LMBR1: variants seen among roughly 807,000 people sequenced by gnomAD.
The protein encoded by LMBR1 is limb development membrane protein 1, also known as limb region 1 protein homolog.
LMBR1 carries 52 observed loss-of-function variants against 73.9 expected under a neutral mutation model. That is an observed-to-expected ratio of 0.70 (90% CI 0.56 to 0.89). The LOEUF is 0.89. Ranked by LOEUF, LMBR1 falls within the 40% of genes least tolerant of loss-of-function variation. The pLI, the probability that LMBR1 is intolerant of heterozygous loss-of-function variation, is 0.00. For synonymous variants in LMBR1, 215 were observed against 209.4 expected, an observed-to-expected ratio of 1.03 and a Z score of -0.23; for missense variants, 539 against 579.8, an observed-to-expected ratio of 0.93 and a Z score of 0.72.
intron 9 of LMBR1, among the ~76,000 whole-genome samples, chr7:156,734,810 T>C (rs770558900): frequency 1.6e-4 from 24 of 152,232 alleles, no homozygotes; most frequent in Non-Finnish European, 2.9e-4. Context: ...CTCCTTAAAA[T>C]GACAATTGTG....
intron 1 of LMBR1, among the ~76,000 whole-genome samples, chr7:156,850,216 C>G (rs1796052758): frequency 6.6e-6 from 1 of 152,118 alleles, no homozygotes; most frequent in Admixed American, 6.6e-5. Flanking sequence ...AAAAGCAAGT[C>G]TGGCCCCCTT....
intron 5 of LMBR1, among the ~76,000 whole-genome samples, chr7:156,786,907 A>G (rs1775634630): frequency 6.6e-6 from 1 of 152,166 alleles, no homozygotes; most frequent in Admixed American, 6.5e-5. Flanking sequence ...TTTACCTAAT[A>G]TATATTTGAT....
chr7:156,676,778 G>T (rs1044762261), downstream of LMBR1: 13 of 686,148 alleles, frequency 1.9e-5, no homozygotes, highest in East Asian at 1.3e-4. Flanking sequence ...ATAAGCTATT[G>T]GTAGTTGTAG....
chr7:156,699,645 C>A (rs1179790431), intron 15 of LMBR1, among the ~76,000 whole-genome samples: 1 of 151,832 alleles, frequency 6.6e-6, no homozygotes, highest in Admixed American at 6.6e-5. Flanking sequence ...AAAATTTTTG[C>A]AACCTACTCA....
chr7:156,719,123 TCC>T (rs373665026), intron 15 of LMBR1, among the ~76,000 whole-genome samples: 4 of 135,564 alleles, frequency 3.0e-5, no homozygotes, highest in South Asian at 2.6e-4. Flanking sequence ...CCTAATGCTA[TCC>T]CCCCCCTCCC....
At chr7:156,793,231 T>G (rs1421439448) in intron 5 of LMBR1, among the ~76,000 whole-genome samples, 1 of 152,214 alleles carries the variant, frequency 6.6e-6, no homozygotes, top group African/African-American at 2.4e-5. Context: ...TATTTAGAAC[T>G]TACACAGGTA....
chr7:156,869,049 T>C (rs572611280), intron 1 of LMBR1, among the ~76,000 whole-genome samples: 28 of 152,344 alleles, frequency 1.8e-4, no homozygotes, highest in Non-Finnish European at 3.4e-4. Context: ...ATTAACAGTG[T>C]AAAATCAGAA....
intron 4 of LMBR1, among the ~76,000 whole-genome samples, chr7:156,820,042 G>C (rs894023970): frequency 6.6e-6 from 1 of 152,222 alleles, no homozygotes; most frequent in African/African-American, 2.4e-5. Context: ...GGACTTGAAA[G>C]ATGCAGGGGT....
Position 156,690,820 on chromosome 7 carries a change from G to A in LMBR1, c.1226-2629C>T, listed in dbSNP as rs1429745825. Among the ~76,000 whole-genome samples, 5 of 152,170 alleles carry A rather than the reference G, an allele frequency of 3.3e-5. No homozygotes were observed. The East Asian group carries it at 9.6e-4, about 29-fold the overall frequency. On this transcript the variant is annotated intron_variant, in intron 15 of 16. Coordinates refer to ENST00000353442, the MANE Select transcript of LMBR1 (RefSeq NM_022458.4). ...AACAGATCACTCTGACCAACACACA[G>A]TTCTTCAATTCTGAAAATTTTCTAT...
intron 9 of LMBR1, chr7:156,736,460 GC>G (rs1301247968): frequency 5.1e-5 from 23 of 454,782 alleles, no homozygotes; most frequent in Middle Eastern, 3.2e-4. Context: ...TCAAGATGAA[GC>G]ATGCACATAG....
At chr7:156,740,347 T>C (rs1233819647) in intron 9 of LMBR1, among the ~76,000 whole-genome samples, 1 of 152,022 alleles carries the variant, frequency 6.6e-6, no homozygotes, top group Non-Finnish European at 1.5e-5. Context: ...AAAGGGAGAA[T>C]ATTAGAGAAC....
Position 156,684,115 on chromosome 7 carries a change from G to C in LMBR1, c.1436C>G (p.Ala479Gly). ...CTGATGCCCATTTACAGAAGGCTTG[G>C]CTGTTTCTGAATCCCTTGAAGTATT... ...LPNTSRDSET[A>G]KPSVNGHQKA... The change falls in exon 17 of 17, where the codon GCC becomes GGC. Residue 479 changes from alanine (A) to glycine (G), a missense_variant. Ala to Gly is a moderately conservative substitution (Grantham distance 60). Coordinates refer to ENST00000353442, the MANE Select transcript of LMBR1 (RefSeq NM_022458.4). 6.2e-7 allele frequency: 1 copy of C among 1,614,078 alleles called. No individual in the cohort carries two copies. The highest frequency in any genetic ancestry group is 8.5e-7 in the Non-Finnish European group (1 of 1,179,990).
At chr7:156,736,569 T>C in intron 9 of LMBR1, 1 of 457,086 alleles carries the variant, frequency 2.2e-6, no homozygotes, top group Non-Finnish European at 4.4e-6. Context: ...CTTCTGGCAC[T>C]TGTCTTCCTG....
intron 5 of LMBR1, among the ~76,000 whole-genome samples, chr7:156,770,316 A>G (rs1824950054): frequency 6.6e-6 from 1 of 152,156 alleles, no homozygotes; most frequent in Non-Finnish European, 1.5e-5. Context: ...ACCCTGCCCA[A>G]CAAAATATAT....
At chr7:156,718,194 G>C (rs1191671020) in intron 15 of LMBR1, among the ~76,000 whole-genome samples, 1 of 151,592 alleles carries the variant, frequency 6.6e-6, no homozygotes, top group Non-Finnish European at 1.5e-5. Context: ...GAGGTCAGGA[G>C]TTTCAGACCA....
At position 156,679,174 on chromosome 7, in the gene LMBR1, G is replaced by A. The variant is rs1585155141; in HGVS notation, c.*4904C>T. 1.3e-5 allele frequency: 2 copies of A among 152,336 alleles called. No individual in the cohort carries two copies. Among genetic ancestry groups the A allele is most frequent in the Non-Finnish European group, 1.5e-5 (1 of 68,050 alleles). 9.4% of individuals were successfully genotyped at this position (152,336 alleles called of 1,614,324 possible). On this transcript the variant is annotated 3_prime_UTR_variant, in exon 17 of 17. Transcript: ENST00000353442. Reference sequence around the variant, plus strand: ...CGTTCCTTGTCGGTAAAATGCAGATGTGTATTTTCGGCTTCGCAAGGTGGT... The same window carrying A: ...CGTTCCTTGTCGGTAAAATGCAGATATGTATTTTCGGCTTCGCAAGGTGGT...
chr7:156,739,736 C>A (rs966966679), intron 9 of LMBR1, among the ~76,000 whole-genome samples: 8 of 152,134 alleles, frequency 5.3e-5, no homozygotes, highest in Non-Finnish European at 1.0e-4. Context: ...GCTTGAGGGC[C>A]GAGTTCCTTT....
Position 156,744,343 on chromosome 7 carries a change from C to A in LMBR1, c.758-10086G>T, listed in dbSNP as rs538242718. ...TTTTCTATGTGAAAGTTTGTAAGGG[C>A]TTTTTTTTTTTTCCATTGTTCTTGG... is the stretch of plus-strand genomic sequence containing the variant. On this transcript the variant is annotated intron_variant, in intron 9 of 16. Coordinates refer to ENST00000353442, the MANE Select transcript of LMBR1 (RefSeq NM_022458.4). 2.8e-5 allele frequency among the ~76,000 whole-genome samples: 4 copies of A among 144,056 alleles called. No individual in the cohort carries two copies. In the East Asian group the frequency reaches 8.0e-4, roughly 29 times the overall value. The allele number at this position is 144,056 out of a possible 152,430, so 94.5% of individuals were successfully genotyped here.
At chr7:156,696,827 T>G (rs1808385408) in intron 15 of LMBR1, among the ~76,000 whole-genome samples, 1 of 152,152 alleles carries the variant, frequency 6.6e-6, no homozygotes, top group African/African-American at 2.4e-5. Context: ...TCAAAACCAA[T>G]TATGCCTTCC....
Sources: allele counts gnomAD v4.1 joint callset (sites outside exome capture counted in the v4.1 genomes callset), GRCh38; gene constraint gnomAD v4.1.1; transcripts MANE v1.5; gene names NCBI Gene and HGNC (gene_info 2026-07-23, HGNC 2026-07-21).